The following SPTBN1 variants were observed in gnomAD, a reference collection of about 807,000 sequenced individuals.
SPTBN1 encodes the protein spectrin beta, non-erythrocytic 1, also known as spectrin beta chain, non-erythrocytic 1.
A neutral mutation model predicts 266.4 loss-of-function variants in SPTBN1; 32 were observed. The observed-to-expected ratio is 0.12, with a 90% confidence interval of 0.09 to 0.16. The LOEUF is 0.16. Among genes scored for constraint, SPTBN1 ranks in the 10% least tolerant of loss-of-function variants. The pLI, the probability that SPTBN1 is intolerant of heterozygous loss-of-function variation, is 1.00. For synonymous variants in SPTBN1, 1,336 were observed against 1,162.2 expected (o/e 1.15, Z -3.04); for missense variants, 2,296 against 3,067.1 (o/e 0.75, Z 5.94).
Position 54,628,320 on chromosome 2 carries a change from GC to G in SPTBN1, c.1798+71del, listed in dbSNP as rs574328001. ...TTCATATTTATAGAAACACAGTGGGGCTTTTGAAGTTACTGTGCCACTATAC... is the reference window on the plus strand; with the variant it reads ...TTCATATTTATAGAAACACAGTGGGGTTTTGAAGTTACTGTGCCACTATAC... On this transcript the variant is annotated intron_variant, in intron 13 of 35. Transcript: ENST00000356805. The surrounding 1 kb of genome is among the most constrained non-coding windows in gnomAD (Gnocchi z 4.3). The G allele has an allele frequency of 2.3e-5, 34 of 1,485,800 alleles. 1 individual carries two copies. The South Asian group carries it at 4.2e-4, about 18-fold the overall frequency. 92.0% of individuals were successfully genotyped at this position (1,485,800 alleles called of 1,614,324 possible). A position where few individuals can be genotyped will look rare whatever the true frequency, so the allele number is the denominator to read the frequency against.
intron 1 of SPTBN1, among the ~76,000 whole-genome samples, chr2:54,472,033 T>C (rs986307280): frequency 7.9e-6 from 1 of 126,918 alleles, no homozygotes; most frequent in Non-Finnish European, 1.6e-5. Context: ...TTTTTTTTTT[T>C]TTTTTTTTTT....
In SPTBN1 at chr2:54,477,709, C is replaced by T. The variant is rs770017492; in HGVS notation, c.-48+21191C>T. 6.6e-5 allele frequency among the ~76,000 whole-genome samples: 10 copies of T among 152,180 alleles called. No individual in the cohort carries two copies. The East Asian group carries it at 1.2e-3, about 18-fold the overall frequency. ...TGGGCGGAGCACGAGGTCAGGAGTT[C>T]GAGACCAGCCTGGCTAATATGGTGA... On this transcript the variant is annotated intron_variant, in intron 1 of 35. Coordinates refer to ENST00000356805, the MANE Select transcript of SPTBN1 (RefSeq NM_003128.3).
Position 54,533,120 on chromosome 2 carries a change from G to A in SPTBN1, c.148+6554G>A, listed in dbSNP as rs1671356593. Among the ~76,000 whole-genome samples the A allele has an allele frequency of 6.6e-6, 1 of 152,142 alleles. No homozygotes were observed. The highest frequency in any genetic ancestry group is 2.4e-5 in the African/African-American group (1 of 41,424). On this transcript the variant is annotated intron_variant, in intron 2 of 35. Coordinates refer to ENST00000356805, the MANE Select transcript of SPTBN1 (RefSeq NM_003128.3). The surrounding 1 kb of genome is among the most constrained non-coding windows in gnomAD (Gnocchi z 4.2). ...ATCTGATAATCAAGACGGCTGCTAA[G>A]TGACTAACAGGGAGCGTCTGCAGTG...
intron 1 of SPTBN1, among the ~76,000 whole-genome samples, chr2:54,483,247 C>T (rs1054193843): frequency 2.0e-5 from 3 of 152,134 alleles, no homozygotes; most frequent in African/African-American, 7.2e-5. Context: ...ACATATTTCC[C>T]GTGAAATAAA....
At chr2:54,647,084 G>A in intron 23 of SPTBN1, 47 bp from the exon 24 acceptor site, 2 of 1,613,294 alleles carry the variant, frequency 1.2e-6, no homozygotes, top group Non-Finnish European at 1.7e-6. Context: ...TTAAGGGGTA[G>A]GGCCAGAGGG....
In SPTBN1 at chr2:54,671,136, G is replaced by A. The variant is rs117262811; in HGVS notation, c.*2567G>A. ...AATAAGGCTTAGGATATGAAATGGC[G>A]TTGTCACTTGAATCAAGGCCACTTT... On this transcript the variant is annotated 3_prime_UTR_variant, in exon 36 of 36. Coordinates refer to ENST00000356805, the MANE Select transcript of SPTBN1 (RefSeq NM_003128.3). 13 of 218,658 alleles carry A rather than the reference G, an allele frequency of 5.9e-5. No individual in the cohort carries two copies. Among genetic ancestry groups the A allele is most frequent in the Admixed American group, 2.3e-4 (4 of 17,158 alleles). 13.5% of individuals were successfully genotyped at this position (218,658 alleles called of 1,614,324 possible).
chr2:54,509,780 C>T (rs1434552349), intron 1 of SPTBN1, among the ~76,000 whole-genome samples: 1 of 152,048 alleles, frequency 6.6e-6, no homozygotes, highest in Non-Finnish European at 1.5e-5. Context: ...TTTATTTTCT[C>T]ACTGTTCTGT....
At chr2:54,607,616 C>CAA (rs568501443) in intron 3 of SPTBN1, among the ~76,000 whole-genome samples, 168 of 146,566 alleles carry the variant, frequency 1.1e-3, no homozygotes, top group African/African-American at 4.0e-3. Context: ...GACTCTGTCT[C>CAA]AAAAAAAAAA....
intron 1 of SPTBN1, among the ~76,000 whole-genome samples, chr2:54,520,636 C>T (rs1215135544): frequency 6.6e-6 from 1 of 151,918 alleles, no homozygotes; most frequent in Admixed American, 6.6e-5. Context: ...TATACATACA[C>T]ACACCCACAC....
At chr2:54,562,546 G>A (rs868499928) in intron 2 of SPTBN1, among the ~76,000 whole-genome samples, 2 of 22,440 alleles carry the variant, frequency 8.9e-5, no homozygotes, top group Non-Finnish European at 1.8e-4. Flanking sequence ...TTTTTTTTTT[G>A]AGGCAAGGTC....
At chr2:54,463,976 A>G (rs367809796) in intron 1 of SPTBN1, among the ~76,000 whole-genome samples, 25 of 152,228 alleles carry the variant, frequency 1.6e-4, no homozygotes, top group African/African-American at 5.5e-4. Context: ...TGTAAGTTCA[A>G]ACTCACCAGT....
At chr2:54,589,669 TTCAGACTAG>T (rs1220107763) in intron 2 of SPTBN1, among the ~76,000 whole-genome samples, 1 of 152,250 alleles carries the variant, frequency 6.6e-6, no homozygotes, top group Non-Finnish European at 1.5e-5. Flanking sequence ...ATTTAAGGCC[TTCAGACTAG>T]TCCGTCACAG....
At chr2:54,608,768 A>G (rs1184483063) in intron 3 of SPTBN1, among the ~76,000 whole-genome samples, 1 of 151,976 alleles carries the variant, frequency 6.6e-6, no homozygotes, top group African/African-American at 2.4e-5. Context: ...CACCAACCCC[A>G]TGCCGCTGAA....
intron 2 of SPTBN1, among the ~76,000 whole-genome samples, chr2:54,588,590 A>G (rs1675458541): frequency 6.6e-6 from 1 of 152,206 alleles, no homozygotes; most frequent in Non-Finnish European, 1.5e-5. Flanking sequence ...TCAGTTAGTT[A>G]GAAATCACAG....
intron 1 of SPTBN1, among the ~76,000 whole-genome samples, chr2:54,482,870 T>G (rs992760949): frequency 6.6e-6 from 1 of 152,152 alleles, no homozygotes; most frequent in African/African-American, 2.4e-5. Context: ...ACTGAGTCAC[T>G]CCATACTTTT....
At chr2:54,591,034 AC>A (rs768058720) in intron 2 of SPTBN1, among the ~76,000 whole-genome samples, 10 of 152,236 alleles carry the variant, frequency 6.6e-5, no homozygotes, top group Non-Finnish European at 1.5e-4. Context: ...TGTTCAAAAC[AC>A]GCAAAAATAG....
Position 54,646,188 on chromosome 2 carries a change from C to T in SPTBN1, c.4585-6C>T. Reference sequence around the variant, plus strand: ...AGCCTTTGTGTGTATTTTCCGCTCCCTCCAGACCCTCCAGAAAGAAATCCA... The same window carrying T: ...AGCCTTTGTGTGTATTTTCCGCTCCTTCCAGACCCTCCAGAAAGAAATCCA... On this transcript the variant is annotated splice_region_variant and splice_polypyrimidine_tract_variant and intron_variant, in intron 22 of 35. Transcript: ENST00000356805. The surrounding 1 kb of genome is among the most constrained non-coding windows in gnomAD (Gnocchi z 4.4). 6.2e-7 allele frequency: 1 copy of T among 1,608,364 alleles called. No individual in the cohort carries two copies. The highest frequency in any genetic ancestry group is 8.5e-7 in the Non-Finnish European group (1 of 1,176,560).
At chr2:54,577,749 G>A (rs1457609410) in intron 2 of SPTBN1, among the ~76,000 whole-genome samples, 1 of 152,204 alleles carries the variant, frequency 6.6e-6, no homozygotes, top group Admixed American at 6.5e-5. Flanking sequence ...CCCACGCAGT[G>A]CGCTTTGGGA....
rs750266689 is a variant in SPTBN1 at position 54,631,018 on chromosome 2, G to A, written c.2971G>A (p.Val991Ile). The A allele has an allele frequency of 1.9e-6, 3 of 1,614,072 alleles. No individual in the cohort carries two copies. The highest frequency in any genetic ancestry group is 2.5e-6 in the Non-Finnish European group (3 of 1,179,974). Residue 991 changes from valine (V) to isoleucine (I), a missense_variant, in exon 16 of 36, where the codon GTC (valine) becomes ATC (isoleucine). Transcript: ENST00000356805. ...TQDLGNDLAG[V>I]MALQRKLTGM... ...GGACCTGGGCAATGACCTGGCTGGCGTCATGGCCCTGCAGCGCAAGCTGAC... is the reference window on the plus strand; with the variant it reads ...GGACCTGGGCAATGACCTGGCTGGCATCATGGCCCTGCAGCGCAAGCTGAC...
Sources: gnomAD v4.1 joint callset for allele counts (sites outside exome capture counted in the v4.1 genomes callset) on GRCh38, gnomAD v4.1.1 for gene constraint, Gnocchi (gnomAD v3.1) non-coding constraint, MANE v1.5 for transcripts, NCBI Gene and HGNC (gene_info 2026-07-23, HGNC 2026-07-21) for gene names.